Variants in PI4KB observed in about 807,000 individuals in gnomAD.
The protein encoded by PI4KB is phosphatidylinositol 4-kinase beta.
In PI4KB, 23 loss-of-function variants were observed where a neutral mutation model predicts 81.4. That is an observed-to-expected ratio of 0.28 (90% confidence interval 0.20 to 0.40). PI4KB has a LOEUF of 0.40. PI4KB is among the 10% of genes least tolerant of loss of function. The probability of loss-of-function intolerance (pLI) is 1.00; values close to 1 mark genes in which losing one functional copy is unlikely to be tolerated. For missense variants in PI4KB, 651 were observed against 1,036.6 expected (o/e 0.63, Z 5.11); for synonymous variants, 381 against 406.8 (o/e 0.94, Z 0.76).
chr1:151,321,452 T>C (rs1018565282), intron 1 of PI4KB, among the ~76,000 whole-genome samples: 3 of 152,022 alleles, frequency 2.0e-5, no homozygotes, highest in Non-Finnish European at 4.4e-5. Flanking sequence ...TGGCGCAATG[T>C]TGGCTCACCG....
At chr1:151,308,876 A>G (rs1341510536) in intron 3 of PI4KB, among the ~76,000 whole-genome samples, 3 of 152,008 alleles carry the variant, frequency 2.0e-5, no homozygotes, top group Admixed American at 2.0e-4. Context: ...TAGTTTCTGG[A>G]TTGAGAGAAT....
intron 9 of PI4KB, among the ~76,000 whole-genome samples, chr1:151,294,972 A>C (rs1002068822): frequency 1.3e-5 from 2 of 152,198 alleles, no homozygotes; most frequent in Non-Finnish European, 2.9e-5. Context: ...GGTTATTTGT[A>C]ACTCCTGTCA....
At chr1:151,324,951 G>T in intron 1 of PI4KB, 5 of 872,638 alleles carry the variant, frequency 5.7e-6, no homozygotes, top group Non-Finnish European at 6.9e-6. Context: ...GAGGAAATAT[G>T]ATTTCTGGTT....
chr1:151,324,968 G>T, intron 1 of PI4KB: 1 of 825,446 alleles, frequency 1.2e-6, no homozygotes, highest in Non-Finnish European at 1.5e-6. Context: ...GGTTGGGGAT[G>T]CTTCCAAGGA....
chr1:151,299,298 C>G lies in PI4KB; in HGVS notation c.1750-225G>C, dbSNP rs78401091. On this transcript the variant is annotated intron_variant, in intron 8 of 11. Transcript: ENST00000368873. ...TCAGGTATGTGGGAAAAGGTATCAC[C>G]TAAGTAGAAAGCCCAAGACAGGCAG... is the stretch of plus-strand genomic sequence containing the variant. Among the ~76,000 whole-genome samples, 743 of 152,112 alleles carry G rather than the reference C, an allele frequency of 4.9e-3. 8 individuals are homozygous for G. Among genetic ancestry groups the G allele is most frequent in the African/African-American group, 0.017 (692 of 41,508 alleles).
intron 5 of PI4KB, 44 bp downstream of exon 5, chr1:151,306,091 AG>A (rs1462657613): frequency 6.7e-7 from 1 of 1,486,066 alleles, no homozygotes; most frequent in Admixed American, 1.7e-5. Context: ...AAGCTCCTGG[AG>A]AAAGCTCCTG....
At chr1:151,293,399 C>G in intron 11 of PI4KB, 2 of 1,295,888 alleles carry the variant, frequency 1.5e-6, no homozygotes, top group Non-Finnish European at 1.0e-6. Context: ...CTGACACTCA[C>G]AGATGACCTG....
At chr1:151,310,374 C>T (rs1696125036) in intron 2 of PI4KB, 119 bp from the exon 3 acceptor site, 1 of 661,560 alleles carries the variant, frequency 1.5e-6, no homozygotes, top group African/African-American at 1.8e-5. Context: ...GAAGTTCTAC[C>T]TTTCTGCTTT....
chr1:151,319,724 A>G (rs1398470909), intron 1 of PI4KB, among the ~76,000 whole-genome samples: 1 of 152,242 alleles, frequency 6.6e-6, no homozygotes, highest in Non-Finnish European at 1.5e-5. Flanking sequence ...AAATTTCATC[A>G]GATCAACCTG....
chr1:151,314,266 G>T (rs1647562864), intron 2 of PI4KB, among the ~76,000 whole-genome samples: 1 of 152,224 alleles, frequency 6.6e-6, no homozygotes, highest in Non-Finnish European at 1.5e-5. Flanking sequence ...TTTTCAAAAA[G>T]TGCAAATTCC....
chr1:151,315,364 T>G (rs1647764843), intron 2 of PI4KB, among the ~76,000 whole-genome samples: 1 of 152,186 alleles, frequency 6.6e-6, no homozygotes, highest in Non-Finnish European at 1.5e-5. Flanking sequence ...TCACTTTATC[T>G]CTCTGGGTCT....
chr1:151,309,984 AG>A (rs1422082147), intron 3 of PI4KB, among the ~76,000 whole-genome samples: 1 of 152,186 alleles, frequency 6.6e-6, no homozygotes. Context: ...TGTCTCTGAG[AG>A]AAGGATCAGC....
At chr1:151,300,084 G>C (rs1429874260) in intron 8 of PI4KB, among the ~76,000 whole-genome samples, 1 of 152,208 alleles carries the variant, frequency 6.6e-6, no homozygotes, top group Non-Finnish European at 1.5e-5. Flanking sequence ...TGAACCCCAT[G>C]TTTACAATGA....
chr1:151,326,113 A>G, intron 1 of PI4KB: 1 of 1,501,128 alleles, frequency 6.7e-7, no homozygotes, highest in Non-Finnish European at 9.3e-7. Context: ...AAGGCACTCT[A>G]TTCTGTGATT....
Position 151,302,303 on chromosome 1 carries a change from C to T in PI4KB, c.1521-5G>A, listed in dbSNP as rs752193625. On this transcript the variant is annotated splice_polypyrimidine_tract_variant and splice_region_variant and intron_variant, in intron 6 of 11. Transcript: ENST00000368873. ...AGCTGTTCCGAAAGGCGCCGGCTGG[C>T]AGGAAGAAAATACATCATTTGCTTG... is the stretch of plus-strand genomic sequence containing the variant. 3.1e-6 allele frequency: 5 copies of T among 1,610,910 alleles called. No homozygotes were observed. In the Admixed American group the frequency reaches 8.3e-5, roughly 27 times the overall value.
intron 1 of PI4KB, 109 bp from the exon 2 acceptor site, chr1:151,316,618 T>A: frequency 2.8e-6 from 2 of 702,452 alleles, no homozygotes; most frequent in East Asian, 6.3e-5. Context: ...CCCAGGCACC[T>A]CCTCTTTTTG....
chr1:151,313,455 C>A (rs1647425976), intron 2 of PI4KB, among the ~76,000 whole-genome samples: 2 of 152,064 alleles, frequency 1.3e-5, no homozygotes, highest in Admixed American at 1.3e-4. Context: ...TAAGAAAAGC[C>A]CTGAGGCCTC....
chr1:151,306,433 C>T, intron 4 of PI4KB, 70 bp from the exon 5 acceptor site: 1 of 972,878 alleles, frequency 1.0e-6, no homozygotes, highest in East Asian at 2.4e-5. Flanking sequence ...ACTCTGTTAG[C>T]AAGGTTCTTC....
Position 151,316,472 on chromosome 1 carries a change from T to C in PI4KB, c.10A>G (p.Thr4Ala), listed in dbSNP as rs1336811424. 7.2e-6 allele frequency: 11 copies of C among 1,530,852 alleles called. No homozygotes were observed. The highest frequency in any genetic ancestry group is 9.6e-6 in the Non-Finnish European group (11 of 1,142,008). The allele number at this position is 1,530,852 out of a possible 1,614,324, so 94.8% of individuals were successfully genotyped here. A position where few individuals can be genotyped will look rare whatever the true frequency, so the allele number is the denominator to read the frequency against. ...TTCAAGGGGGCAGGCTCCACTACTGTATCTCCCATGGCCACAGCCAGACTT... is the reference window on the plus strand; with the variant it reads ...TTCAAGGGGGCAGGCTCCACTACTGCATCTCCCATGGCCACAGCCAGACTT... MGD[T>A]VVEPAPLKPT... Residue 4 changes from threonine to alanine, a missense_variant, in exon 2 of 12, where the codon ACA becomes GCA. Thr to Ala is a moderately conservative substitution (Grantham distance 58, BLOSUM62 0). This residue lies in a region of PI4KB where 314 missense variants were observed against 397.8 expected (regional missense o/e 0.79). Coordinates refer to ENST00000368873, the MANE Select transcript of PI4KB (RefSeq NM_001369623.2).
Sources: allele counts gnomAD v4.1 joint callset (sites outside exome capture counted in the v4.1 genomes callset), GRCh38; gene constraint gnomAD v4.1.1; regional missense constraint gnomAD v4.1.1; transcripts MANE v1.5; gene names NCBI Gene and HGNC (gene_info 2026-07-23, HGNC 2026-07-21).